Variants in CSMD1 observed in about 807,000 individuals in gnomAD.
The protein encoded by CSMD1 is CUB and sushi domain-containing protein 1.
In CSMD1, 213 loss-of-function variants were observed where a neutral mutation model predicts 417.5. The observed-to-expected ratio is 0.51, with a 90% CI of 0.46 to 0.57. The LOEUF is 0.57. Among genes scored for constraint, CSMD1 ranks in the 20% least tolerant of loss-of-function variants. The pLI is 0.00. For missense variants in CSMD1, 6,923 were observed against 4,529.7 expected (o/e 1.53, Z -15.17); for synonymous variants, 2,862 against 1,736.8 (o/e 1.65, Z -16.11).
intron 25 of CSMD1, among the ~76,000 whole-genome samples, chr8:3,295,467 G>GA (rs1382969342): frequency 1.3e-5 from 2 of 151,768 alleles, no homozygotes; most frequent in Non-Finnish European, 2.9e-5. Context: ...CCGTTATACT[G>GA]AAAAAAAGGT....
intron 1 of CSMD1, among the ~76,000 whole-genome samples, chr8:4,760,633 T>A (rs1368418795): frequency 6.6e-6 from 1 of 152,220 alleles, no homozygotes; most frequent in African/African-American, 2.4e-5. Context: ...ACAATATTGT[T>A]GTATAAGTAT....
chr8:4,634,071 G>C (rs904874248), intron 2 of CSMD1, among the ~76,000 whole-genome samples: 1 of 149,646 alleles, frequency 6.7e-6, no homozygotes, highest in Non-Finnish European at 1.5e-5. Context: ...TTTGAATTTT[G>C]AGTCCAAATT....
intron 3 of CSMD1, among the ~76,000 whole-genome samples, chr8:4,081,692 A>G (rs914597210): frequency 2.6e-5 from 4 of 152,236 alleles, no homozygotes; most frequent in Non-Finnish European, 4.4e-5. Context: ...AGTCCAAAAC[A>G]TTTAAATTCT....
At chr8:3,337,737 C>A (rs143657907) in intron 23 of CSMD1, among the ~76,000 whole-genome samples, 5 of 152,122 alleles carry the variant, frequency 3.3e-5, no homozygotes, top group Non-Finnish European at 5.9e-5. Context: ...CACACATTCA[C>A]CTGGAATCGG....
intron 2 of CSMD1, among the ~76,000 whole-genome samples, chr8:4,448,831 G>A (rs1437072184): frequency 1.3e-5 from 2 of 152,090 alleles, no homozygotes; most frequent in South Asian, 2.1e-4. Context: ...CAGGGTAAAA[G>A]GTAATTTCTC....
At chr8:4,204,979 T>C (rs1243226107) in intron 3 of CSMD1, among the ~76,000 whole-genome samples, 2 of 152,158 alleles carry the variant, frequency 1.3e-5, no homozygotes, top group African/African-American at 4.8e-5. Flanking sequence ...TGTTTTCTTA[T>C]TATAATAAGA....
At chr8:3,879,866 C>T (rs1214792734) in intron 5 of CSMD1, among the ~76,000 whole-genome samples, 1 of 151,742 alleles carries the variant, frequency 6.6e-6, no homozygotes, top group South Asian at 2.1e-4. Flanking sequence ...GCGTTTTAGT[C>T]TTCTTCTGGT....
At chr8:3,963,061 G>A (rs1161806285) in intron 5 of CSMD1, among the ~76,000 whole-genome samples, 1 of 152,056 alleles carries the variant, frequency 6.6e-6, no homozygotes, top group African/African-American at 2.4e-5. Context: ...CTCAGGAGTA[G>A]CTGAGATTAC....
intron 5 of CSMD1, among the ~76,000 whole-genome samples, chr8:3,898,471 C>T (rs760882727): frequency 1.6e-4 from 24 of 152,124 alleles, no homozygotes; most frequent in Admixed American, 5.2e-4. Context: ...TTATGGATGT[C>T]GCATCATAAT....
intron 1 of CSMD1, among the ~76,000 whole-genome samples, chr8:4,770,659 G>C (rs1796552610): frequency 6.6e-6 from 1 of 151,956 alleles, no homozygotes; most frequent in African/African-American, 2.4e-5. Flanking sequence ...ATAAATCCAA[G>C]CATATATGGT....
At chr8:4,892,642 T>A (rs542701179) in intron 1 of CSMD1, among the ~76,000 whole-genome samples, 1 of 152,214 alleles carries the variant, frequency 6.6e-6, no homozygotes, top group Admixed American at 6.5e-5. Context: ...CACTTAACTT[T>A]TGAGTGTTTT....
intron 26 of CSMD1, among the ~76,000 whole-genome samples, chr8:3,281,729 T>G (rs13269823): frequency 0.079 from 11,973 of 152,244 alleles, 581 homozygotes; most frequent in African/African-American, 0.14. Flanking sequence ...GGGAAATGAC[T>G]GTTGGTGATG....
At chr8:3,694,318 C>A (rs137893407) in intron 7 of CSMD1, among the ~76,000 whole-genome samples, 2 of 152,154 alleles carry the variant, frequency 1.3e-5, no homozygotes, top group African/African-American at 4.8e-5. Flanking sequence ...AGGAGCACAG[C>A]AGCATGACTG....
chr8:3,405,149 T>G (rs943915680), intron 15 of CSMD1, among the ~76,000 whole-genome samples: 6 of 152,200 alleles, frequency 3.9e-5, no homozygotes, highest in Non-Finnish European at 8.8e-5. Flanking sequence ...CCTGTTTAAA[T>G]CTATGCTAAC....
intron 55 of CSMD1, among the ~76,000 whole-genome samples, chr8:2,976,314 T>C (rs1335062746): frequency 1.3e-5 from 2 of 152,156 alleles, no homozygotes; most frequent in East Asian, 1.9e-4. Context: ...CCTTTTATTG[T>C]GTATGTGGTA....
intron 1 of CSMD1, among the ~76,000 whole-genome samples, chr8:4,778,614 T>C (rs1796994048): frequency 1.3e-5 from 2 of 152,194 alleles, no homozygotes; most frequent in African/African-American, 2.4e-5. Flanking sequence ...CAGGTCCTAC[T>C]TCTACCACTA....
chr8:2,942,622 T>C lies in CSMD1; in HGVS notation c.10403-18A>G, dbSNP rs1263413771. The C allele has an allele frequency of 3.2e-6, 5 of 1,539,302 alleles. No homozygotes were observed. The Admixed American group carries it at 8.2e-5, about 25-fold the overall frequency. ...TAAAGGATCTGTAAGATAAAGGAAA[T>C]ATTAAATTTGTTGTTACTGTACTCT... On this transcript the variant is annotated intron_variant, in intron 68 of 69. Coordinates refer to ENST00000635120, the MANE Select transcript of CSMD1 (RefSeq NM_033225.6).
chr8:3,908,496 TA>T (rs1039745269), intron 5 of CSMD1, among the ~76,000 whole-genome samples: 1 of 151,920 alleles, frequency 6.6e-6, no homozygotes, highest in African/African-American at 2.4e-5. Context: ...TATCCCCTGG[TA>T]AAAAAACAAA....
chr8:3,533,683 A>G (rs1273456594), intron 10 of CSMD1, among the ~76,000 whole-genome samples: 2 of 151,980 alleles, frequency 1.3e-5, no homozygotes, highest in East Asian at 3.9e-4. Flanking sequence ...ACTAACACTT[A>G]TTTCACCACA....
Sources: gnomAD v4.1 joint callset for allele counts (sites outside exome capture counted in the v4.1 genomes callset) on GRCh38, gnomAD v4.1.1 for gene constraint, MANE v1.5 for transcripts, NCBI Gene and HGNC (gene_info 2026-07-23, HGNC 2026-07-21) for gene names.